The following FAF1 variants were observed in gnomAD, a reference collection of about 807,000 sequenced individuals.
FAF1 encodes the protein Fas associated factor 1.
Under a neutral mutation model 92.5 loss-of-function variants are expected in FAF1, and 25 were observed. The ratio of observed to expected loss-of-function variants is 0.27; its 90% CI spans 0.20 to 0.38. FAF1 has a LOEUF of 0.38. FAF1 is among the 10% of genes least tolerant of loss of function. The pLI, the probability that FAF1 is intolerant of heterozygous loss-of-function variation, is 1.00. For missense variants in FAF1, 636 were observed against 793.3 expected (o/e 0.80, Z 2.38); for synonymous variants, 234 against 273.2 (o/e 0.86, Z 1.42).
At chr1:50,576,121 C>T (rs1221473431) in intron 12 of FAF1, among the ~76,000 whole-genome samples, 1 of 152,192 alleles carries the variant, frequency 6.6e-6, no homozygotes, top group African/African-American at 2.4e-5. Context: ...ATTTTACAAA[C>T]ATTTCTCAAA....
chr1:50,841,343 T>G (rs1450683229), intron 2 of FAF1, among the ~76,000 whole-genome samples: 1 of 152,006 alleles, frequency 6.6e-6, no homozygotes, highest in African/African-American at 2.4e-5. Flanking sequence ...AAAATTGGTA[T>G]GTATGTACAC....
chr1:50,558,897 G>A (rs1649726672), intron 13 of FAF1, among the ~76,000 whole-genome samples: 1 of 152,116 alleles, frequency 6.6e-6, no homozygotes, highest in Non-Finnish European at 1.5e-5. Flanking sequence ...ATCCAAATCA[G>A]AGTAAAAAAG....
At chr1:50,754,035 C>T (rs1038423527) in intron 4 of FAF1, among the ~76,000 whole-genome samples, 2 of 152,180 alleles carry the variant, frequency 1.3e-5, no homozygotes, top group East Asian at 3.9e-4. Flanking sequence ...GGATTACAGA[C>T]GTGAACCACT....
intron 2 of FAF1, among the ~76,000 whole-genome samples, chr1:50,856,857 A>G (rs555372053): frequency 1.4e-4 from 21 of 151,956 alleles, no homozygotes; most frequent in Admixed American, 5.3e-4. Flanking sequence ...ACACTATGAA[A>G]TACTATGCAA....
chr1:50,724,479 T>C (rs1346660701), intron 6 of FAF1, among the ~76,000 whole-genome samples: 1 of 152,132 alleles, frequency 6.6e-6, no homozygotes, highest in East Asian at 1.9e-4. Flanking sequence ...ACTTAATGGG[T>C]ATAGTGGAGT....
At chr1:50,550,170 T>C (rs1006647394) in intron 13 of FAF1, among the ~76,000 whole-genome samples, 1 of 151,536 alleles carries the variant, frequency 6.6e-6, no homozygotes, top group Admixed American at 6.6e-5. Flanking sequence ...GCTAACATGG[T>C]GAAACCCCTC....
intron 4 of FAF1, among the ~76,000 whole-genome samples, chr1:50,751,877 C>T (rs142565479): frequency 6.6e-5 from 10 of 152,172 alleles, no homozygotes; most frequent in African/African-American, 1.4e-4. Context: ...CTCTTTTTTG[C>T]GAAGGACTGG....
chr1:50,620,741 T>G (rs960177413), intron 8 of FAF1, among the ~76,000 whole-genome samples: 1 of 152,276 alleles, frequency 6.6e-6, no homozygotes, highest in African/African-American at 2.4e-5. Flanking sequence ...CAGTTTGAGC[T>G]GCGATCCAGT....
intron 1 of FAF1, among the ~76,000 whole-genome samples, chr1:50,928,564 A>AC (rs1294546378): frequency 6.8e-6 from 1 of 147,984 alleles, no homozygotes; most frequent in East Asian, 2.0e-4. Flanking sequence ...TGGGCGGATC[A>AC]CAAGGTCAAG....
rs141547741 is a variant in FAF1, at chr1:50,646,781, C to A, written c.744+8661G>T. 5.9e-5 allele frequency among the ~76,000 whole-genome samples: 9 copies of A among 152,294 alleles called. No homozygotes were observed. In the East Asian group the frequency reaches 1.7e-3, roughly 29 times the overall value. On this transcript the variant is annotated intron_variant, in intron 8 of 18. Transcript: ENST00000396153. ...GATCTTATCATTGCAACTTTAAGGG[C>A]CAGCACAGTTACTGGCCTGTAAGAG... is the stretch of plus-strand genomic sequence containing the variant.
chr1:50,729,056 A>ACTT, intron 6 of FAF1, among the ~76,000 whole-genome samples: 2 of 105,794 alleles, frequency 1.9e-5, no homozygotes, highest in South Asian at 3.3e-4. Context: ...ATATATATAT[A>ACTT]TATTTTTTTT....
At chr1:50,674,701 T>C (rs754027595) in intron 7 of FAF1, among the ~76,000 whole-genome samples, 1 of 152,096 alleles carries the variant, frequency 6.6e-6, no homozygotes, top group Non-Finnish European at 1.5e-5. Flanking sequence ...CCTTGAAAAT[T>C]GTCACAGCCT....
rs755973344 is a variant in FAF1 at position 50,777,256 on chromosome 1, G to GA, written c.367+10743dup. Among the ~76,000 whole-genome samples the GA allele has an allele frequency of 1.2e-3, 166 of 141,394 alleles. 1 individual carries two copies. The highest frequency in any genetic ancestry group is 1.6e-3 in the Non-Finnish European group (103 of 64,224). 92.8% of individuals were successfully genotyped at this position (141,394 alleles called of 152,430 possible). On this transcript the variant is annotated intron_variant, in intron 4 of 18. Transcript: ENST00000396153. The stretch of plus-strand genomic sequence containing the variant: ...ATGAGACCCCATTTCTTCAAAAAGT[G>GA]AAAAAAAAAAAAATTTGCCAAACAT...
chr1:50,912,758 T>C (rs552384539), intron 1 of FAF1, among the ~76,000 whole-genome samples: 10 of 152,340 alleles, frequency 6.6e-5, no homozygotes, highest in African/African-American at 2.4e-4. Context: ...GCACATTTTG[T>C]CAAACAGCGG....
At chr1:50,566,802 C>T (rs1346924318) in intron 13 of FAF1, among the ~76,000 whole-genome samples, 1 of 152,014 alleles carries the variant, frequency 6.6e-6, no homozygotes, top group Non-Finnish European at 1.5e-5. Flanking sequence ...AGTTCAAAAA[C>T]ATATTAGAAA....
intron 12 of FAF1, among the ~76,000 whole-genome samples, chr1:50,581,898 T>C (rs1227126998): frequency 6.6e-6 from 1 of 152,208 alleles, no homozygotes; most frequent in Non-Finnish European, 1.5e-5. Flanking sequence ...AGGAGCCAGA[T>C]TGCTGATGTC....
chr1:50,838,042 T>C (rs60832780), intron 2 of FAF1, among the ~76,000 whole-genome samples: 13,166 of 152,164 alleles, frequency 0.087, 589 homozygotes, highest in African/African-American at 0.098. Flanking sequence ...CGCGCCTGGC[T>C]GGATGCTCCT....
At chr1:50,452,426 G>C (rs369107993) in intron 18 of FAF1, among the ~76,000 whole-genome samples, 1 of 152,158 alleles carries the variant, frequency 6.6e-6, no homozygotes, top group African/African-American at 2.4e-5. Context: ...TCAGAGCTGG[G>C]TTGCTTCTGA....
chr1:50,816,577 A>G (rs949085695), intron 2 of FAF1, among the ~76,000 whole-genome samples: 1 of 152,086 alleles, frequency 6.6e-6, no homozygotes, highest in Admixed American at 6.5e-5. Context: ...AATCCTGGAT[A>G]TTAGGCCTTT....
Sources: allele counts gnomAD v4.1 joint callset (sites outside exome capture counted in the v4.1 genomes callset), GRCh38; gene constraint gnomAD v4.1.1; transcripts MANE v1.5; gene names NCBI Gene and HGNC (gene_info 2026-07-23, HGNC 2026-07-21).